The following TMEM117 variants were observed in gnomAD, a reference collection of about 807,000 sequenced individuals.
TMEM117 encodes transmembrane protein 117.
Under a neutral mutation model 52.4 loss-of-function variants are expected in TMEM117, and 27 were observed. The ratio of observed to expected loss-of-function variants is 0.51; its 90% CI spans 0.38 to 0.71. The LOEUF (loss-of-function observed/expected upper bound fraction) is 0.71. Ranked by LOEUF, TMEM117 falls within the 30% of genes least tolerant of loss-of-function variation. The pLI, the probability that TMEM117 is intolerant of heterozygous loss-of-function variation, is 0.00. For synonymous variants in TMEM117, 215 were observed against 206.3 expected (o/e 1.04, Z -0.36); for missense variants, 556 against 630.5 (o/e 0.88, Z 1.26).
At chr12:44,374,088 T>C (rs2138844213) in intron 6 of TMEM117, among the ~76,000 whole-genome samples, 1 of 152,194 alleles carries the variant, frequency 6.6e-6, no homozygotes, top group East Asian at 1.9e-4. Flanking sequence ...GGCCAGGATG[T>C]CCATTTTCTA....
At chr12:44,257,178 T>C (rs1950269074) in intron 5 of TMEM117, among the ~76,000 whole-genome samples, 1 of 151,534 alleles carries the variant, frequency 6.6e-6, no homozygotes, top group Non-Finnish European at 1.5e-5. Context: ...GAAGGAGAAG[T>C]TGCACACCCA....
intron 5 of TMEM117, among the ~76,000 whole-genome samples, chr12:44,273,254 G>A (rs540838911): frequency 5.3e-5 from 8 of 151,868 alleles, no homozygotes; most frequent in Admixed American, 3.9e-4. Flanking sequence ...ATTAGGAGAT[G>A]TACCTAATGT....
At chr12:43,833,229 C>G, upstream of TMEM117, among the ~76,000 whole-genome samples, 1 of 152,110 alleles carries the variant, frequency 6.6e-6, no homozygotes, top group South Asian at 2.1e-4. Flanking sequence ...TAAAGGTAGG[C>G]TAACAAGTTC....
At chr12:44,155,928 A>T (rs2138240031) in intron 4 of TMEM117, among the ~76,000 whole-genome samples, 1 of 152,132 alleles carries the variant, frequency 6.6e-6, no homozygotes, top group Middle Eastern at 3.4e-3. Flanking sequence ...CCATGTTGTA[A>T]TGTCTCTATC....
intron 3 of TMEM117, among the ~76,000 whole-genome samples, chr12:43,993,346 T>C (rs975365104): frequency 2.6e-5 from 4 of 152,368 alleles, no homozygotes; most frequent in Admixed American, 6.5e-5. Context: ...GCCTGGCACA[T>C]AATGGATGCT....
the TMEM117 span, chr12:43,802,346 A>T: frequency 6.3e-7 from 1 of 1,596,368 alleles, no homozygotes; most frequent in Middle Eastern, 1.7e-4. Context: ...CATTCTGAGA[A>T]TCTAACCTGA....
the TMEM117 span, among the ~76,000 whole-genome samples, chr12:43,799,005 G>T: frequency 6.6e-6 from 1 of 151,984 alleles, no homozygotes; most frequent in African/African-American, 2.4e-5. Flanking sequence ...AAGTTAATTT[G>T]TAGACTCTCT....
At chr12:44,169,223 G>T (rs1381829795) in intron 4 of TMEM117, among the ~76,000 whole-genome samples, 3 of 152,144 alleles carry the variant, frequency 2.0e-5, no homozygotes, top group Non-Finnish European at 4.4e-5. Context: ...CCCTGAAGTG[G>T]AATTGCTGGA....
chr12:44,263,758 T>C (rs1950347220), intron 5 of TMEM117: 2 of 152,252 alleles, frequency 1.3e-5, no homozygotes, highest in Admixed American at 1.3e-4. Flanking sequence ...ACACATTCTT[T>C]GGACTTATTT....
At chr12:44,004,977 A>G (rs1946171357) in intron 3 of TMEM117, among the ~76,000 whole-genome samples, 1 of 152,200 alleles carries the variant, frequency 6.6e-6, no homozygotes, top group South Asian at 2.1e-4. Flanking sequence ...AGGATGCTTA[A>G]AAGCCGGACA....
chr12:43,956,264 A>G (rs1945303819), intron 3 of TMEM117, among the ~76,000 whole-genome samples: 1 of 152,198 alleles, frequency 6.6e-6, no homozygotes, highest in Non-Finnish European at 1.5e-5. Context: ...GCCGAAAGCA[A>G]TTGCAACAAA....
intron 6 of TMEM117, among the ~76,000 whole-genome samples, chr12:44,301,299 A>T (rs557709483): frequency 6.6e-6 from 1 of 152,300 alleles, no homozygotes; most frequent in South Asian, 2.1e-4. Flanking sequence ...ATTCACTCAA[A>T]AACTGCTTAA....
chr12:43,976,638 C>T (rs1945675728), intron 3 of TMEM117, among the ~76,000 whole-genome samples: 1 of 152,154 alleles, frequency 6.6e-6, no homozygotes, highest in African/African-American at 2.4e-5. Context: ...CAGCTGCTTT[C>T]AGCTCATTCT....
At chr12:43,827,946 T>C in the TMEM117 span, among the ~76,000 whole-genome samples, 1 of 151,962 alleles carries the variant, frequency 6.6e-6, no homozygotes. Flanking sequence ...GAGGTACAAA[T>C]TGGAGTGATG....
At chr12:44,330,407 A>T (rs1951254194) in intron 6 of TMEM117, among the ~76,000 whole-genome samples, 1 of 152,024 alleles carries the variant, frequency 6.6e-6, no homozygotes, top group Admixed American at 6.6e-5. Flanking sequence ...TGTAATGGTA[A>T]GTTTTCTAGC....
chr12:44,065,266 C>T (rs180838774), intron 3 of TMEM117, among the ~76,000 whole-genome samples: 161 of 151,946 alleles, frequency 1.1e-3, no homozygotes, highest in Non-Finnish European at 1.8e-3. Flanking sequence ...GTAATCCCAG[C>T]TGAGGAGGAG....
intron 3 of TMEM117, among the ~76,000 whole-genome samples, chr12:44,069,204 G>GA: frequency 6.6e-6 from 1 of 152,012 alleles, no homozygotes; most frequent in Non-Finnish European, 1.5e-5. Flanking sequence ...TTATGGTTCT[G>GA]AAAAAAATAA....
chr12:44,373,886 A>G lies in TMEM117; in HGVS notation c.769-2709A>G, dbSNP rs370239154. ...AACCTCCGTCTCCCGGGTTCAAGCAATTCTCCTGCCTCAGCCTCCAGAGTA... is the reference window on the plus strand; with the variant it reads ...AACCTCCGTCTCCCGGGTTCAAGCAGTTCTCCTGCCTCAGCCTCCAGAGTA... On this transcript the variant is annotated intron_variant, in intron 6 of 7. Coordinates refer to ENST00000266534, the MANE Select transcript of TMEM117 (RefSeq NM_032256.3). 3.4e-4 allele frequency among the ~76,000 whole-genome samples: 48 copies of G among 142,118 alleles called. 1 individual carries two copies. In the East Asian group the frequency reaches 0.01, roughly 31 times the overall value. 93.2% of individuals were successfully genotyped at this position (142,118 alleles called of 152,430 possible).
In TMEM117 at chr12:44,178,744, T is replaced by C. The variant is rs190679563; in HGVS notation, c.511-32546T>C. ...GTCTACATTATGGGTTTTTTCCCCCTTTAAAAGGAGATAACATATCTACTT... is the reference window on the plus strand; with the variant it reads ...GTCTACATTATGGGTTTTTTCCCCCCTTAAAAGGAGATAACATATCTACTT... On this transcript the variant is annotated intron_variant, in intron 4 of 7. Coordinates refer to ENST00000266534, the MANE Select transcript of TMEM117 (RefSeq NM_032256.3). 6.4e-3 allele frequency among the ~76,000 whole-genome samples: 974 copies of C among 152,232 alleles called. 12 individuals are homozygous for C. Among genetic ancestry groups the C allele is most frequent in the Non-Finnish European group, 6.2e-3 (422 of 68,026 alleles).
Sources: gnomAD v4.1 joint callset for allele counts (sites outside exome capture counted in the v4.1 genomes callset) on GRCh38, gnomAD v4.1.1 for gene constraint, MANE v1.5 for transcripts, NCBI Gene and HGNC (gene_info 2026-07-23, HGNC 2026-07-21) for gene names.